The following MPHOSPH9 variants were observed in gnomAD, a reference collection of about 807,000 sequenced individuals.
The protein encoded by MPHOSPH9 is M-phase phosphoprotein 9.
Under a neutral mutation model 145.5 loss-of-function variants are expected in MPHOSPH9, and 88 were observed. The observed-to-expected ratio is 0.60, with a 90% CI of 0.51 to 0.72. MPHOSPH9 has a LOEUF of 0.72. Ranked by LOEUF, MPHOSPH9 falls within the 30% of genes least tolerant of loss-of-function variation. The pLI, the probability that MPHOSPH9 is intolerant of heterozygous loss-of-function variation, is 0.00. For missense variants in MPHOSPH9, 1,238 were observed against 1,386.6 expected, an observed-to-expected ratio of 0.89 and a Z score of 1.70; for synonymous variants, 435 against 486.2, an observed-to-expected ratio of 0.89 and a Z score of 1.39.
At chr12:123,196,982 C>T (rs1447095965) in intron 12 of MPHOSPH9, among the ~76,000 whole-genome samples, 2 of 147,502 alleles carry the variant, frequency 1.4e-5, no homozygotes, top group Non-Finnish European at 3.0e-5. Context: ...GTAGTGGTTG[C>T]CAGGGTGTGG....
intron 7 of MPHOSPH9, among the ~76,000 whole-genome samples, chr12:123,212,473 T>C (rs977666645): frequency 3.9e-5 from 6 of 152,140 alleles, no homozygotes; most frequent in Admixed American, 1.3e-4. Flanking sequence ...GCAGATCACC[T>C]GAGGTGGGCA....
intron 7 of MPHOSPH9, among the ~76,000 whole-genome samples, chr12:123,212,766 CTTTTTTTTTT>C (rs769159602): frequency 1.1e-5 from 1 of 93,906 alleles, no homozygotes. Context: ...CAATGGTCGA[CTTTTTTTTTT>C]TTTTTTTTTT....
chr12:123,206,309 A>AG (rs1340107345), intron 8 of MPHOSPH9, among the ~76,000 whole-genome samples: 2 of 151,660 alleles, frequency 1.3e-5, no homozygotes, highest in Non-Finnish European at 2.9e-5. Flanking sequence ...AAACAAAAAA[A>AG]AAATGAGCCA....
chr12:123,200,113 A>C (rs1232408112), intron 11 of MPHOSPH9, among the ~76,000 whole-genome samples: 1 of 152,208 alleles, frequency 6.6e-6, no homozygotes, highest in Admixed American at 6.5e-5. Context: ...GTGACATAGT[A>C]ATCTGATATC....
chr12:123,209,705 C>A (rs2046615526), intron 8 of MPHOSPH9, among the ~76,000 whole-genome samples: 1 of 151,654 alleles, frequency 6.6e-6, no homozygotes, highest in Admixed American at 6.6e-5. Context: ...GGCCACCACG[C>A]CCAGTCCACG....
chr12:123,193,602 C>T (rs774538057), intron 13 of MPHOSPH9, among the ~76,000 whole-genome samples: 31 of 151,622 alleles, frequency 2.0e-4, no homozygotes, highest in Non-Finnish European at 4.3e-4. Context: ...GGCAACATGG[C>T]GAGACCCTGT....
chr12:123,153,976 CT>C (rs1315532821), downstream of MPHOSPH9, among the ~76,000 whole-genome samples: 1 of 152,148 alleles, frequency 6.6e-6, no homozygotes, highest in Non-Finnish European at 1.5e-5. Flanking sequence ...CAAGTCTCTC[CT>C]TTCTTGTCCC....
At chr12:123,183,727 G>A (rs557959975) in intron 13 of MPHOSPH9, among the ~76,000 whole-genome samples, 1 of 152,140 alleles carries the variant, frequency 6.6e-6, no homozygotes, top group African/African-American at 2.4e-5. Context: ...TGAGGCACAG[G>A]GCTGACCACA....
chr12:123,215,067 C>A (rs1390016025), intron 6 of MPHOSPH9, among the ~76,000 whole-genome samples: 2 of 152,146 alleles, frequency 1.3e-5, no homozygotes, highest in Non-Finnish European at 2.9e-5. Context: ...GATGATGAAA[C>A]CCCGTCTCTA....
chr12:123,182,234 C>G (rs1342140483), intron 13 of MPHOSPH9, among the ~76,000 whole-genome samples: 13 of 147,302 alleles, frequency 8.8e-5, no homozygotes, highest in Admixed American at 4.2e-4. Context: ...CCATCATGCC[C>G]GGTGTTTTTT....
Position 123,221,508 on chromosome 12 carries a change from C to T in MPHOSPH9, c.736G>A (p.Glu246Lys). 3 of 1,614,212 alleles carry T rather than the reference C, an allele frequency of 1.9e-6. No individual in the cohort carries two copies. Among genetic ancestry groups the T allele is most frequent in the Non-Finnish European group, 2.5e-6 (3 of 1,180,034 alleles). The change falls in exon 5 of 24, where the codon GAG (glutamate) becomes AAG (lysine). Residue 246 changes from glutamate to lysine, a missense_variant. By Grantham distance (56) the Glu-to-Lys change is moderately conservative. Coordinates refer to ENST00000606320, the MANE Select transcript of MPHOSPH9 (RefSeq NM_022782.4). Reference sequence around the variant, plus strand: ...TCAGGAGTCTGTATATAAAAATTCTCATTTTTCACACCATCTACAAGTGAC... The same window carrying T: ...TCAGGAGTCTGTATATAAAAATTCTTATTTTTCACACCATCTACAAGTGAC... ...AESLVDGVKN[E>K]NFYIQTPEEC...
chr12:123,182,438 G>A (rs905525740), intron 13 of MPHOSPH9, among the ~76,000 whole-genome samples: 2 of 150,700 alleles, frequency 1.3e-5, no homozygotes, highest in Non-Finnish European at 3.0e-5. Context: ...ATTAGATGGC[G>A]TCTCATCATG....
chr12:123,210,575 C>A (rs2046657552), intron 7 of MPHOSPH9, among the ~76,000 whole-genome samples: 1 of 151,902 alleles, frequency 6.6e-6, no homozygotes, highest in Admixed American at 6.6e-5. Context: ...CACTGTAATA[C>A]CAGCTACTTG....
intron 8 of MPHOSPH9, among the ~76,000 whole-genome samples, chr12:123,207,056 A>G (rs371402845): frequency 6.6e-6 from 1 of 151,540 alleles, no homozygotes; most frequent in South Asian, 2.1e-4. Flanking sequence ...TCTCTAATAA[A>G]AAAAAAAAAA....
intron 3 of MPHOSPH9, among the ~76,000 whole-genome samples, chr12:123,225,069 C>T (rs1043727856): frequency 9.2e-5 from 14 of 151,812 alleles, no homozygotes; most frequent in African/African-American, 1.5e-4. Context: ...TTTTTTAAAG[C>T]GGGTAAAGGT....
intron 23 of MPHOSPH9, chr12:123,160,466 C>T (rs2044060987): frequency 3.8e-6 from 1 of 262,562 alleles, no homozygotes; most frequent in Non-Finnish European, 7.1e-6. Context: ...GAGAGGCAAT[C>T]TGTGAGCACT....
At position 123,181,175 on chromosome 12, in the gene MPHOSPH9, G is replaced by A; in HGVS notation, c.2277C>T (p.His759=). ...CATTACCCCTTACCTTTACTCTCCT[G>A]TGTTCTTTTCCAAGGGACTCATACT... ...LGEYESLGKE[H]RRVKDALNTT... The change falls in exon 14 of 24, where the codon CAC becomes CAT. Residue 759 remains histidine, a synonymous_variant. Coordinates refer to ENST00000606320, the MANE Select transcript of MPHOSPH9 (RefSeq NM_022782.4). 1 of 1,611,658 alleles carries A rather than the reference G, an allele frequency of 6.2e-7. No homozygotes were observed. The highest frequency in any genetic ancestry group is 8.5e-7 in the Non-Finnish European group (1 of 1,178,042).
intron 8 of MPHOSPH9, 81 bp from the exon 9 acceptor site, chr12:123,203,456 AT>A: frequency 1.5e-6 from 2 of 1,310,540 alleles, no homozygotes; most frequent in Non-Finnish European, 2.1e-6. Context: ...CCATAAAAAG[AT>A]TTTTGAAAGA....
chr12:123,235,037 C>T (rs2047821095), upstream of MPHOSPH9, among the ~76,000 whole-genome samples: 1 of 152,258 alleles, frequency 6.6e-6, no homozygotes, highest in South Asian at 2.1e-4. Context: ...AAACAAAGGC[C>T]GATGAAATAA....
Sources: gnomAD v4.1 joint callset for allele counts (sites outside exome capture counted in the v4.1 genomes callset) on GRCh38, gnomAD v4.1.1 for gene constraint, MANE v1.5 for transcripts, NCBI Gene and HGNC (gene_info 2026-07-23, HGNC 2026-07-21) for gene names.